TEAD1: variants seen among roughly 807,000 people sequenced by gnomAD.
The protein encoded by TEAD1 is TEA domain transcription factor 1.
In TEAD1, 9 loss-of-function variants were observed where a neutral mutation model predicts 54.9. That is an observed-to-expected ratio of 0.16 (90% CI 0.10 to 0.29). The LOEUF is 0.29. TEAD1 is among the 10% of genes least tolerant of loss of function. The pLI is 1.00. For missense variants in TEAD1, 387 were observed against 535.9 expected (o/e 0.72, Z 2.74); for synonymous variants, 200 against 187.8 (o/e 1.07, Z -0.53).
chr11:12,770,233 G>A (rs1945287398), intron 3 of TEAD1, among the ~76,000 whole-genome samples: 1 of 152,208 alleles, frequency 6.6e-6, no homozygotes, highest in Non-Finnish European at 1.5e-5. Flanking sequence ...GAAGCTTAAT[G>A]TGTGGGGGGT....
intron 3 of TEAD1, among the ~76,000 whole-genome samples, chr11:12,785,429 C>G (rs1229530118): frequency 6.6e-6 from 1 of 152,152 alleles, no homozygotes; most frequent in Non-Finnish European, 1.5e-5. Flanking sequence ...GAGGTTGTTC[C>G]CAGTTTGGCT....
intron 10 of TEAD1, among the ~76,000 whole-genome samples, chr11:12,912,136 G>A (rs11022545): frequency 0.069 from 10,500 of 152,178 alleles, 935 homozygotes; most frequent in East Asian, 0.45. Flanking sequence ...AGACTCACTT[G>A]AAAGCTTTTC....
chr11:12,806,282 CCTT>C (rs1274629862), intron 3 of TEAD1, among the ~76,000 whole-genome samples: 17 of 152,304 alleles, frequency 1.1e-4, no homozygotes, highest in Admixed American at 4.6e-4. Flanking sequence ...CACAAGCAAA[CCTT>C]CTTCTCCTTC....
At chr11:12,918,727 A>G (rs1298309022) in intron 10 of TEAD1, among the ~76,000 whole-genome samples, 1 of 152,226 alleles carries the variant, frequency 6.6e-6, no homozygotes, top group African/African-American at 2.4e-5. Flanking sequence ...TAATAGGTCC[A>G]TTTGGAAGCC....
At chr11:12,709,511 A>T (rs1013470740) in intron 2 of TEAD1, among the ~76,000 whole-genome samples, 3 of 151,746 alleles carry the variant, frequency 2.0e-5, no homozygotes, top group Non-Finnish European at 4.4e-5. Context: ...AGTAGCTGAT[A>T]GTTTCTTTTT....
chr11:12,887,073 G>GT, intron 9 of TEAD1, among the ~76,000 whole-genome samples: 3 of 94,278 alleles, frequency 3.2e-5, no homozygotes, highest in African/African-American at 1.1e-4. Flanking sequence ...GAATGTGGAA[G>GT]TTTTTTTGTT....
intron 3 of TEAD1, among the ~76,000 whole-genome samples, chr11:12,853,093 A>G (rs955970103): frequency 5.3e-5 from 8 of 152,062 alleles, no homozygotes; most frequent in Admixed American, 3.9e-4. Context: ...ACCCCTCTTC[A>G]TACACTCCAT....
chr11:12,719,411 C>T (rs1389051333), intron 2 of TEAD1, among the ~76,000 whole-genome samples: 2 of 152,236 alleles, frequency 1.3e-5, no homozygotes, highest in East Asian at 1.9e-4. Flanking sequence ...AGAGAGATCC[C>T]GCTTTTGCTC....
intron 2 of TEAD1, among the ~76,000 whole-genome samples, chr11:12,688,255 A>G (rs941020125): frequency 6.6e-6 from 1 of 152,186 alleles, no homozygotes; most frequent in Non-Finnish European, 1.5e-5. Context: ...GTGCTTGCCC[A>G]GAGCCCTTCA....
rs186232998 is a variant in TEAD1, at chr11:12,933,386, T to A, written c.1167+3060T>A. On this transcript the variant is annotated intron_variant, in intron 12 of 12. Coordinates refer to ENST00000527636, the MANE Select transcript of TEAD1 (RefSeq NM_021961.6). Reference sequence around the variant, plus strand: ...GGATTTTGAAAATAAAATCATCTAATTGATGAACAGGAGAAATTGTACCTC... The same window carrying A: ...GGATTTTGAAAATAAAATCATCTAAATGATGAACAGGAGAAATTGTACCTC... 4.6e-5 allele frequency among the ~76,000 whole-genome samples: 7 copies of A among 152,326 alleles called. No individual in the cohort carries two copies. In the South Asian group the frequency reaches 8.3e-4, roughly 18 times the overall value.
At chr11:12,853,576 A>T (rs1245088003) in intron 3 of TEAD1, among the ~76,000 whole-genome samples, 1 of 152,356 alleles carries the variant, frequency 6.6e-6, no homozygotes, top group East Asian at 1.9e-4. Flanking sequence ...ATGAGCCACT[A>T]AGAAAACTTC....
chr11:12,692,116 A>G (rs549008206), intron 2 of TEAD1, among the ~76,000 whole-genome samples: 75 of 152,238 alleles, frequency 4.9e-4, no homozygotes, highest in African/African-American at 1.8e-3. Context: ...TTTTTTATTT[A>G]ACAAGTCTGC....
rs567168925 is a variant in TEAD1, at chr11:12,903,278, C to T, written c.873+1165C>T. 1.2e-3 allele frequency among the ~76,000 whole-genome samples: 176 copies of T among 152,288 alleles called. 1 individual carries two copies. Among genetic ancestry groups the T allele is most frequent in the Non-Finnish European group, 1.7e-3 (116 of 68,016 alleles). ...CTTTAATGCCTCTGCTCTGTTTCCT[C>T]GTTGCATAATCCCTTGTGGACCCTG... On this transcript the variant is annotated intron_variant, in intron 10 of 12. Transcript: ENST00000527636.
intron 3 of TEAD1, among the ~76,000 whole-genome samples, chr11:12,821,223 CT>C (rs1412215553): frequency 6.6e-6 from 1 of 152,140 alleles, no homozygotes; most frequent in Non-Finnish European, 1.5e-5. Context: ...TGAGATGCTC[CT>C]TTAGTAGCAC....
intron 2 of TEAD1, among the ~76,000 whole-genome samples, chr11:12,709,058 C>T (rs1199596297): frequency 6.6e-6 from 1 of 152,170 alleles, no homozygotes; most frequent in Non-Finnish European, 1.5e-5. Context: ...GTAATTTGGG[C>T]TGGGTGCGGT....
chr11:12,871,571 AGTT>A (rs1359405620), intron 5 of TEAD1, among the ~76,000 whole-genome samples: 2 of 152,212 alleles, frequency 1.3e-5, no homozygotes, highest in East Asian at 3.9e-4. Context: ...TGCCCTAAGA[AGTT>A]GTTCAGACCC....
intron 3 of TEAD1, among the ~76,000 whole-genome samples, chr11:12,794,943 A>C (rs1383315541): frequency 2.0e-5 from 3 of 152,170 alleles, no homozygotes; most frequent in Non-Finnish European, 2.9e-5. Context: ...CCTTCACCTG[A>C]TTCAGTCTCA....
At chr11:12,684,227 G>T (rs937676148) in intron 2 of TEAD1, among the ~76,000 whole-genome samples, 2 of 152,204 alleles carry the variant, frequency 1.3e-5, no homozygotes, top group Non-Finnish European at 2.9e-5. Context: ...TATTCATAAA[G>T]TGGAGGAAAT....
chr11:12,875,588 G>C (rs949160109), intron 5 of TEAD1, among the ~76,000 whole-genome samples: 1 of 152,178 alleles, frequency 6.6e-6, no homozygotes, highest in African/African-American at 2.4e-5. Flanking sequence ...AGATAAAGGG[G>C]AGATGTTATA....
Sources: allele counts gnomAD v4.1 joint callset (sites outside exome capture counted in the v4.1 genomes callset), GRCh38; gene constraint gnomAD v4.1.1; transcripts MANE v1.5; gene names NCBI Gene and HGNC (gene_info 2026-07-23, HGNC 2026-07-21).